PTPRK: variants seen among roughly 807,000 people sequenced by gnomAD.
PTPRK encodes the protein receptor-type tyrosine-protein phosphatase kappa.
In PTPRK, 75 loss-of-function variants were observed where a neutral mutation model predicts 178.0. The observed-to-expected ratio is 0.42, with a 90% confidence interval of 0.35 to 0.51. The LOEUF is 0.51. PTPRK is among the 20% of genes least tolerant of loss of function. The pLI, the probability that PTPRK is intolerant of heterozygous loss-of-function variation, is 0.02. For missense variants in PTPRK, 1,441 were observed against 1,797.8 expected (o/e 0.80, Z 3.59); for synonymous variants, 637 against 620.6 (o/e 1.03, Z -0.39).
At chr6:128,298,183 A>G (rs1184354269) in intron 3 of PTPRK, among the ~76,000 whole-genome samples, 3 of 152,234 alleles carry the variant, frequency 2.0e-5, no homozygotes, top group Non-Finnish European at 2.9e-5. Flanking sequence ...AAACAGGAAG[A>G]AGTTGACTCT....
At chr6:128,369,148 C>T (rs1474527909) in intron 2 of PTPRK, among the ~76,000 whole-genome samples, 2 of 1,646 alleles carry the variant, frequency 1.2e-3, no homozygotes, top group Non-Finnish European at 9.3e-3. Flanking sequence ...GTTATTTCCC[C>T]ATTACTGTCC....
At chr6:128,424,820 A>G (rs1469086398) in intron 1 of PTPRK, among the ~76,000 whole-genome samples, 1 of 152,196 alleles carries the variant, frequency 6.6e-6, no homozygotes, top group African/African-American at 2.4e-5. Context: ...TAATGCTAAA[A>G]TCTTCCTGAT....
chr6:128,294,406 T>C (rs545549045), intron 3 of PTPRK, among the ~76,000 whole-genome samples: 40 of 152,140 alleles, frequency 2.6e-4, no homozygotes, highest in African/African-American at 9.6e-4. Flanking sequence ...TACCCTGAAG[T>C]AGAAATGCTG....
chr6:128,131,757 T>C (rs1465683131), intron 7 of PTPRK, among the ~76,000 whole-genome samples: 1 of 152,192 alleles, frequency 6.6e-6, no homozygotes, highest in Admixed American at 6.5e-5. Flanking sequence ...TACGAAAGCA[T>C]GAATAACTTT....
chr6:127,982,749 G>T, intron 24 of PTPRK, 82 bp downstream of exon 24: 1 of 1,310,972 alleles, frequency 7.6e-7, no homozygotes, highest in Non-Finnish European at 1.1e-6. Flanking sequence ...AATTTGACTT[G>T]AAAGACCTTC....
chr6:128,004,233 T>C (rs1471375278), intron 15 of PTPRK, among the ~76,000 whole-genome samples: 4 of 151,832 alleles, frequency 2.6e-5, no homozygotes, highest in Non-Finnish European at 5.9e-5. Context: ...TCAAGAGATA[T>C]ACCTGATTTG....
intron 1 of PTPRK, among the ~76,000 whole-genome samples, chr6:128,404,740 A>G (rs1841456373): frequency 6.6e-6 from 1 of 152,252 alleles, no homozygotes. Flanking sequence ...ATGATTTCAC[A>G]GATGAAAAGA....
chr6:128,389,772 C>T (rs1049152978), intron 2 of PTPRK, among the ~76,000 whole-genome samples: 2 of 151,452 alleles, frequency 1.3e-5, no homozygotes, highest in African/African-American at 4.9e-5. Flanking sequence ...TATTCTTTTC[C>T]CCTGAAATAT....
At chr6:128,494,032 A>T (rs1348233199) in intron 1 of PTPRK, among the ~76,000 whole-genome samples, 4 of 152,174 alleles carry the variant, frequency 2.6e-5, no homozygotes, top group African/African-American at 7.2e-5. Context: ...TTAACGTTAA[A>T]TATAGACAAA....
At chr6:128,243,016 T>A (rs1814745214) in intron 3 of PTPRK, among the ~76,000 whole-genome samples, 1 of 152,190 alleles carries the variant, frequency 6.6e-6, no homozygotes, top group African/African-American at 2.4e-5. Flanking sequence ...AGTAAGATAA[T>A]CTGAGTTTTA....
intron 13 of PTPRK, among the ~76,000 whole-genome samples, chr6:128,018,687 A>G (rs926375895): frequency 2.0e-5 from 3 of 152,114 alleles, no homozygotes; most frequent in African/African-American, 7.2e-5. Context: ...AATATCTGGT[A>G]CTTCATAAAG....
At chr6:128,289,192 C>T (rs959413237) in intron 3 of PTPRK, among the ~76,000 whole-genome samples, 1 of 152,056 alleles carries the variant, frequency 6.6e-6, no homozygotes, top group Non-Finnish European at 1.5e-5. Flanking sequence ...AAAAGCATAC[C>T]AGGTGATTCT....
chr6:128,450,306 CAATT>C (rs751843380), intron 1 of PTPRK, among the ~76,000 whole-genome samples: 5 of 152,068 alleles, frequency 3.3e-5, no homozygotes, highest in South Asian at 4.2e-4. Context: ...TTATTGTACT[CAATT>C]TATTTGAAAA....
chr6:128,409,073 T>G (rs182545074), intron 1 of PTPRK, among the ~76,000 whole-genome samples: 1 of 152,186 alleles, frequency 6.6e-6, no homozygotes, highest in Non-Finnish European at 1.5e-5. Flanking sequence ...ATATGTGACA[T>G]AAAAGTGTCC....
chr6:128,307,160 A>AAAAATAT (rs5879886), intron 3 of PTPRK, among the ~76,000 whole-genome samples: 11 of 142,382 alleles, frequency 7.7e-5, no homozygotes, highest in African/African-American at 1.9e-4. Context: ...AAGAAAAAAA[A>AAAAATAT]ATATATATAT....
intron 1 of PTPRK, among the ~76,000 whole-genome samples, chr6:128,429,469 C>T (rs1271378927): frequency 1.3e-5 from 2 of 152,098 alleles, no homozygotes; most frequent in African/African-American, 4.8e-5. Context: ...ATACAAAAAC[C>T]TTCTTGGCTT....
chr6:128,189,515 A>T (rs1243082978), intron 6 of PTPRK, among the ~76,000 whole-genome samples: 1 of 152,012 alleles, frequency 6.6e-6, no homozygotes, highest in Non-Finnish European at 1.5e-5. Context: ...CTGGGATTAC[A>T]GGTGTGAGCC....
At chr6:128,258,448 T>A (rs1817674059) in intron 3 of PTPRK, among the ~76,000 whole-genome samples, 1 of 152,064 alleles carries the variant, frequency 6.6e-6, no homozygotes, top group Non-Finnish European at 1.5e-5. Flanking sequence ...ACCAGAAAAA[T>A]CCAAGGCACT....
chr6:127,992,808 G>A (rs1776753206), intron 18 of PTPRK, 99 bp from the exon 19 acceptor site: 1 of 983,324 alleles, frequency 1.0e-6, no homozygotes, highest in South Asian at 1.7e-5. Flanking sequence ...TTAAGATTAA[G>A]TTATAATAAA....
Sources: gnomAD v4.1 joint callset for allele counts (sites outside exome capture counted in the v4.1 genomes callset) on GRCh38, gnomAD v4.1.1 for gene constraint, MANE v1.5 for transcripts, NCBI Gene and HGNC (gene_info 2026-07-23, HGNC 2026-07-21) for gene names.